The following COMMD10 variants were observed in gnomAD, a reference collection of about 807,000 sequenced individuals.
The protein encoded by COMMD10 is COMM domain containing 10.
COMMD10 carries 33 observed loss-of-function variants against 28.9 expected under a neutral mutation model. The ratio of observed to expected loss-of-function variants is 1.14; its 90% CI spans 0.87 to 1.53. COMMD10 has a LOEUF of 1.53. Among genes scored for constraint, COMMD10 ranks in the 40% most tolerant of loss-of-function variants. The pLI, the probability that COMMD10 is intolerant of heterozygous loss-of-function variation, is 0.00. For synonymous variants in COMMD10, 110 were observed against 81.7 expected, an observed-to-expected ratio of 1.35 and a Z score of -1.87; for missense variants, 310 against 233.4, an observed-to-expected ratio of 1.33 and a Z score of -2.14.
At chr5:116,253,923 G>T (rs931784424) in intron 5 of COMMD10, among the ~76,000 whole-genome samples, 5 of 151,574 alleles carry the variant, frequency 3.3e-5, no homozygotes, top group African/African-American at 1.2e-4. Flanking sequence ...AATCCATCTG[G>T]TCCTGGACTC....
intron 5 of COMMD10, among the ~76,000 whole-genome samples, chr5:116,148,049 A>G (rs767437923): frequency 2.6e-5 from 4 of 151,764 alleles, no homozygotes; most frequent in African/African-American, 9.7e-5. Flanking sequence ...TGGTAAATAT[A>G]ATTTATTTAT....
intron 5 of COMMD10, among the ~76,000 whole-genome samples, chr5:116,139,577 G>A (rs1363054719): frequency 7.0e-6 from 1 of 142,332 alleles, no homozygotes; most frequent in Non-Finnish European, 1.5e-5. Context: ...ACTTATGTGA[G>A]TTCGTCTGCA....
At chr5:116,117,532 C>T (rs531021295) in intron 4 of COMMD10, among the ~76,000 whole-genome samples, 3 of 152,228 alleles carry the variant, frequency 2.0e-5, no homozygotes, top group East Asian at 3.9e-4. Context: ...GGCACGATAT[C>T]GGCTCACTGC....
At chr5:116,113,121 T>A (rs1430996742) in intron 4 of COMMD10, among the ~76,000 whole-genome samples, 1 of 152,306 alleles carries the variant, frequency 6.6e-6, no homozygotes, top group African/African-American at 2.4e-5. Context: ...GTTGTTTTCT[T>A]TCACACTTTG....
chr5:116,171,360 A>G (rs1357925815), intron 5 of COMMD10, among the ~76,000 whole-genome samples: 1 of 152,172 alleles, frequency 6.6e-6, no homozygotes, highest in African/African-American at 2.4e-5. Context: ...AGAAATAGAA[A>G]TGCTTTTACA....
chr5:116,215,344 C>G (rs895450857), intron 5 of COMMD10, among the ~76,000 whole-genome samples: 2 of 151,880 alleles, frequency 1.3e-5, no homozygotes, highest in African/African-American at 2.4e-5. Context: ...AGTATTGATG[C>G]AGTATGGTCA....
intron 5 of COMMD10, among the ~76,000 whole-genome samples, chr5:116,231,100 G>T (rs1749517228): frequency 6.6e-6 from 1 of 152,062 alleles, no homozygotes; most frequent in South Asian, 2.1e-4. Flanking sequence ...CTCTTAAGAT[G>T]GTTTTGCCAG....
At chr5:116,098,615 A>G (rs1175983461) in intron 4 of COMMD10, among the ~76,000 whole-genome samples, 2 of 152,116 alleles carry the variant, frequency 1.3e-5, no homozygotes, top group Admixed American at 1.3e-4. Context: ...TGTGTAGATT[A>G]TATTTAAATA....
intron 4 of COMMD10, among the ~76,000 whole-genome samples, chr5:116,101,356 C>T (rs1750652401): frequency 6.6e-6 from 1 of 152,030 alleles, no homozygotes; most frequent in Non-Finnish European, 1.5e-5. Context: ...TACTATTTTC[C>T]ATAAGAGTTC....
rs1471485214 is a variant in COMMD10 at position 116,174,896 on chromosome 5, A to G, written c.510+40718A>G. ...AATGGTCAGTTTCTAAATGTTTACC[A>G]AAGTTTGAAACTCCTTTAAGCAATT... is the stretch of plus-strand genomic sequence containing the variant. On this transcript the variant is annotated intron_variant, in intron 5 of 6. Coordinates refer to ENST00000274458, the MANE Select transcript of COMMD10 (RefSeq NM_016144.4). 2.6e-5 allele frequency among the ~76,000 whole-genome samples: 4 copies of G among 152,190 alleles called. No homozygotes were observed. In the East Asian group the frequency reaches 7.7e-4, roughly 29 times the overall value.
At chr5:116,100,772 C>T (rs1208291659) in intron 4 of COMMD10, among the ~76,000 whole-genome samples, 1 of 151,262 alleles carries the variant, frequency 6.6e-6, no homozygotes, top group African/African-American at 2.4e-5. Context: ...CTGTTTTTTG[C>T]CATTTATTTA....
At chr5:116,245,921 G>T (rs1288293719) in intron 5 of COMMD10, among the ~76,000 whole-genome samples, 1 of 152,194 alleles carries the variant, frequency 6.6e-6, no homozygotes, top group South Asian at 2.1e-4. Context: ...TTAAAAATTG[G>T]CACAAAACAA....
intron 4 of COMMD10, among the ~76,000 whole-genome samples, chr5:116,103,584 C>T (rs1044702843): frequency 1.3e-5 from 2 of 152,090 alleles, no homozygotes; most frequent in Non-Finnish European, 2.9e-5. Context: ...GGATAGATTG[C>T]AAAAATTTTC....
intron 5 of COMMD10, among the ~76,000 whole-genome samples, chr5:116,249,486 G>T (rs553823009): frequency 1.3e-5 from 2 of 151,918 alleles, no homozygotes; most frequent in East Asian, 3.9e-4. Context: ...TATAAGCAAT[G>T]GTAATAAAGT....
In COMMD10 at chr5:116,248,161, T is replaced by C. The variant is rs114680365; in HGVS notation, c.511-43356T>C. Among the ~76,000 whole-genome samples, 707 of 152,014 alleles carry C rather than the reference T, an allele frequency of 4.7e-3. 5 individuals are homozygous for C. The highest frequency in any genetic ancestry group is 0.016 in the African/African-American group (666 of 41,520). ...AAAAAAAAAAATAACTGAGCATTTT[T>C]CTTTAAGCTCTATACCAGCATGTGC... On this transcript the variant is annotated intron_variant, in intron 5 of 6. Coordinates refer to ENST00000274458, the MANE Select transcript of COMMD10 (RefSeq NM_016144.4).
At chr5:116,292,222 CTTCT>C (rs1320122208) in intron 6 of COMMD10, among the ~76,000 whole-genome samples, 1 of 151,904 alleles carries the variant, frequency 6.6e-6, no homozygotes, top group African/African-American at 2.4e-5. Context: ...ATTAAGAAAT[CTTCT>C]TTCTTTGAAA....
At chr5:116,171,030 A>G (rs1047964453) in intron 5 of COMMD10, among the ~76,000 whole-genome samples, 3 of 152,230 alleles carry the variant, frequency 2.0e-5, no homozygotes, top group Non-Finnish European at 4.4e-5. Context: ...AAAAGAAACT[A>G]TCATCAGAGT....
intron 5 of COMMD10, among the ~76,000 whole-genome samples, chr5:116,138,718 A>G (rs1267775691): frequency 1.3e-5 from 2 of 151,702 alleles, no homozygotes; most frequent in Non-Finnish European, 3.0e-5. Context: ...AGATTGCAGA[A>G]AGTACTTTAT....
At chr5:116,145,220 T>C (rs758673909) in intron 5 of COMMD10, among the ~76,000 whole-genome samples, 3 of 151,852 alleles carry the variant, frequency 2.0e-5, no homozygotes, top group Non-Finnish European at 4.4e-5. Context: ...TTGAACAAAC[T>C]GGGTATTTTA....
Sources: allele counts gnomAD v4.1 joint callset (sites outside exome capture counted in the v4.1 genomes callset), GRCh38; gene constraint gnomAD v4.1.1; transcripts MANE v1.5; gene names NCBI Gene and HGNC (gene_info 2026-07-23, HGNC 2026-07-21).